Variants in RAD51D observed in about 807,000 individuals in gnomAD.
The protein encoded by RAD51D is DNA repair protein RAD51 homolog 4.
Under a neutral mutation model 44.1 loss-of-function variants are expected in RAD51D, and 38 were observed. That is an observed-to-expected ratio of 0.86 (90% CI 0.67 to 1.13). The LOEUF (loss-of-function observed/expected upper bound fraction) is 1.13, where lower values mean the gene tolerates loss of function less well. Ranked by LOEUF, RAD51D falls within the 50% of genes most tolerant of loss-of-function variation. The pLI is 0.00. For missense variants in RAD51D, 390 were observed against 414.0 expected (o/e 0.94, Z 0.50); for synonymous variants, 141 against 166.6 (o/e 0.85, Z 1.18).
chr17:35,107,915 C>T (rs1410963717), intron 3 of RAD51D, among the ~76,000 whole-genome samples: 2 of 151,058 alleles, frequency 1.3e-5, no homozygotes, highest in African/African-American at 4.9e-5. Flanking sequence ...CCACCATACC[C>T]GACTAGTTTT....
chr17:35,108,381 T>A (rs2091635258), intron 3 of RAD51D, among the ~76,000 whole-genome samples: 1 of 151,492 alleles, frequency 6.6e-6, no homozygotes, highest in African/African-American at 2.4e-5. Context: ...CTACAAAATG[T>A]ATTGTACTAG....
chr17:35,102,643 A>AT (rs1250837173), intron 8 of RAD51D, among the ~76,000 whole-genome samples: 1 of 151,640 alleles, frequency 6.6e-6, no homozygotes, highest in Non-Finnish European at 1.5e-5. Flanking sequence ...GAAAAAAAAA[A>AT]GAAAGAAAGA....
At position 35,100,732 on chromosome 17, in the gene RAD51D, A is replaced by G; in HGVS notation, c.*221T>C. ...TAGAAATAAGGGAAGGAAACGTGGC[A>G]CCAGTATGAATTTCTGGGTCCTCGC... On this transcript the variant is annotated 3_prime_UTR_variant, in exon 10 of 10. Transcript: ENST00000345365. 1.5e-6 allele frequency: 1 copy of G among 670,910 alleles called. No homozygotes were observed. Among genetic ancestry groups the G allele is most frequent in the Non-Finnish European group, 2.7e-6 (1 of 367,004 alleles). The allele number at this position is 670,910 out of a possible 1,614,324, so 41.6% of individuals were successfully genotyped here.
At chr17:35,112,449 C>T (rs2091689097) in intron 3 of RAD51D, among the ~76,000 whole-genome samples, 1 of 152,096 alleles carries the variant, frequency 6.6e-6, no homozygotes, top group African/African-American at 2.4e-5. Flanking sequence ...ACAATATCCG[C>T]TCACTGTAAC....
intron 8 of RAD51D, among the ~76,000 whole-genome samples, chr17:35,101,895 G>A (rs1322334415): frequency 1.3e-5 from 2 of 152,162 alleles, no homozygotes; most frequent in Non-Finnish European, 2.9e-5. Context: ...CAGGGGCTGG[G>A]GAAGGGGAAA....
chr17:35,107,275 C>T lies in RAD51D; in HGVS notation c.345+91G>A. 2.8e-6 allele frequency: 4 copies of T among 1,450,308 alleles called. No individual in the cohort carries two copies. The South Asian group carries it at 4.6e-5, about 17-fold the overall frequency. The allele number at this position is 1,450,308 out of a possible 1,614,324, so 89.8% of individuals were successfully genotyped here. ...TCTTCTCTCTGTTGGGCTCTGAACC[C>T]ATTAGTACGCTGAAGCTCCCCCAGG... On this transcript the variant is annotated intron_variant, in intron 4 of 9. Transcript: ENST00000345365.
intron 8 of RAD51D, among the ~76,000 whole-genome samples, chr17:35,102,340 C>T (rs1382546044): frequency 2.0e-5 from 3 of 152,022 alleles, no homozygotes; most frequent in East Asian, 1.9e-4. Flanking sequence ...GGGGTTTTGC[C>T]ATGTTGCCCA....
chr17:35,100,315 TTC>T lies in RAD51D; in HGVS notation c.*636_*637del. 1.9e-6 allele frequency: 1 copy of T among 534,312 alleles called. No homozygotes were observed. Among genetic ancestry groups the T allele is most frequent in the Non-Finnish European group, 3.6e-6 (1 of 276,364 alleles). The allele number at this position is 534,312 out of a possible 1,614,324, so 33.1% of individuals were successfully genotyped here. ...GCAAGAGGAAAGGAGGAATAAACTGTTCTTTGGGCCTCACTGGGGGAAACTGA... is the reference window on the plus strand; with the variant it reads ...GCAAGAGGAAAGGAGGAATAAACTGTTTTGGGCCTCACTGGGGGAAACTGA... On this transcript the variant is annotated 3_prime_UTR_variant, in exon 10 of 10. Coordinates refer to ENST00000345365, the MANE Select transcript of RAD51D (RefSeq NM_002878.4).
chr17:35,104,130 GA>G (rs1280383162), intron 6 of RAD51D, among the ~76,000 whole-genome samples: 2 of 152,134 alleles, frequency 1.3e-5, no homozygotes, highest in African/African-American at 4.8e-5. Context: ...TCAAATTTCA[GA>G]AAGCTCCGCA....
chr17:35,118,849 T>G (rs998969859), intron 2 of RAD51D, among the ~76,000 whole-genome samples: 2 of 152,162 alleles, frequency 1.3e-5, no homozygotes, highest in Non-Finnish European at 2.9e-5. Context: ...CTCAAATGAT[T>G]CTCCTTCCTC....
At chr17:35,108,045 C>G (rs548913899) in intron 3 of RAD51D, among the ~76,000 whole-genome samples, 6 of 151,940 alleles carry the variant, frequency 3.9e-5, no homozygotes, top group Admixed American at 3.9e-4. Flanking sequence ...TCACCACGCC[C>G]AGCTGTTTGT....
chr17:35,107,687 C>A (rs540321245), intron 3 of RAD51D, among the ~76,000 whole-genome samples: 1 of 151,708 alleles, frequency 6.6e-6, no homozygotes, highest in South Asian at 2.1e-4. Context: ...CCTCTGCCAC[C>A]CCATCAGAAG....
At chr17:35,106,904 T>C (rs1385656650) in intron 5 of RAD51D, 84 bp downstream of exon 5, 3 of 1,603,620 alleles carry the variant, frequency 1.9e-6, no homozygotes, top group South Asian at 1.1e-5. Flanking sequence ...GGAATGACTA[T>C]TCAACCCAAA....
chr17:35,097,586 C>T lies in RAD51D; in HGVS notation c.*3367G>A, dbSNP rs896897272. On this transcript the variant is annotated 3_prime_UTR_variant, in exon 10 of 10. Transcript: ENST00000345365. ...TAAGAACTAGAGAGTGCCCTCAGGT[C>T]TCAAACCACCCCCGCAGGGGAAATT... 1.3e-5 allele frequency: 2 copies of T among 150,110 alleles called. No homozygotes were observed. Among genetic ancestry groups the T allele is most frequent in the African/African-American group, 5.0e-5 (2 of 39,798 alleles). 9.3% of individuals were successfully genotyped at this position (150,110 alleles called of 1,614,324 possible).
At chr17:35,114,018 A>T (rs1372959250) in intron 3 of RAD51D, among the ~76,000 whole-genome samples, 1 of 152,120 alleles carries the variant, frequency 6.6e-6, no homozygotes, top group East Asian at 1.9e-4. Context: ...CTCGCCTGTA[A>T]TCCTAGCACT....
At chr17:35,116,480 TTTTTATTTTATTTTA>T (rs372975479) in intron 3 of RAD51D, among the ~76,000 whole-genome samples, 1 of 150,966 alleles carries the variant, frequency 6.6e-6, no homozygotes, top group East Asian at 1.9e-4. Flanking sequence ...TGATGATTTA[TTTTTATTTTATTTTA>T]TTTTATTTTA....
At chr17:35,115,051 G>A (rs568423579) in intron 3 of RAD51D, among the ~76,000 whole-genome samples, 166 of 152,166 alleles carry the variant, frequency 1.1e-3, no homozygotes, top group African/African-American at 3.8e-3. Context: ...TTTCCATTCC[G>A]TGCCTCTCCG....
chr17:35,112,894 A>T (rs537540808), intron 3 of RAD51D, among the ~76,000 whole-genome samples: 3 of 152,232 alleles, frequency 2.0e-5, no homozygotes, highest in Admixed American at 2.0e-4. Flanking sequence ...GCACTAGCAC[A>T]GTGCCTGAAA....
intron 6 of RAD51D, among the ~76,000 whole-genome samples, chr17:35,105,716 A>G (rs2091593596): frequency 1.3e-5 from 2 of 152,170 alleles, no homozygotes; most frequent in African/African-American, 4.8e-5. Context: ...GAATGTGTTC[A>G]GCGACTGGGC....
Sources: gnomAD v4.1 joint callset for allele counts (sites outside exome capture counted in the v4.1 genomes callset) on GRCh38, gnomAD v4.1.1 for gene constraint, MANE v1.5 for transcripts, NCBI Gene and HGNC (gene_info 2026-07-23, HGNC 2026-07-21) for gene names.